ARMC3: variants seen among roughly 807,000 people sequenced by gnomAD.
The protein encoded by ARMC3 is armadillo repeat containing 3, also known as armadillo repeat-containing protein 3.
A neutral mutation model predicts 90.3 loss-of-function variants in ARMC3; 74 were observed. The ratio of observed to expected loss-of-function variants is 0.82; its 90% confidence interval spans 0.68 to 0.99. The LOEUF is 0.99. Ranked by LOEUF, ARMC3 falls within the 50% of genes least tolerant of loss-of-function variation. The probability of loss-of-function intolerance (pLI) is 0.00; values close to 1 mark genes in which losing one functional copy is unlikely to be tolerated. For missense variants in ARMC3, 958 were observed against 1,042.8 expected (o/e 0.92, Z 1.12); for synonymous variants, 334 against 361.8 (o/e 0.92, Z 0.87).
At chr10:22,999,536 T>C (rs1588897582) in intron 11 of ARMC3, among the ~76,000 whole-genome samples, 1 of 152,262 alleles carries the variant, frequency 6.6e-6, no homozygotes, top group South Asian at 2.1e-4. Context: ...CCCATAAAAA[T>C]AACAAAACCA....
intron 10 of ARMC3, among the ~76,000 whole-genome samples, chr10:22,988,933 A>C (rs977205400): frequency 6.6e-6 from 1 of 152,226 alleles, no homozygotes; most frequent in African/African-American, 2.4e-5. Context: ...TTCGTGTTGT[A>C]GACTTGATGT....
At chr10:22,939,166 C>T (rs552385499) in intron 2 of ARMC3, among the ~76,000 whole-genome samples, 1 of 152,248 alleles carries the variant, frequency 6.6e-6, no homozygotes, top group African/African-American at 2.4e-5. Context: ...TATCTAAGGA[C>T]AGTTGGTTTT....
intron 1 of ARMC3, among the ~76,000 whole-genome samples, chr10:22,929,938 C>T (rs568259885): frequency 4.2e-4 from 64 of 152,322 alleles, no homozygotes; most frequent in Non-Finnish European, 6.6e-4. Context: ...CTCTTCTAAC[C>T]TCTGCACTAT....
At chr10:22,946,434 C>G (rs1285292970) in intron 3 of ARMC3, 173 bp downstream of exon 3, 3 of 452,218 alleles carry the variant, frequency 6.6e-6, no homozygotes, top group African/African-American at 6.0e-5. Context: ...TCCTGAGTTC[C>G]TAGCTTAATC....
chr10:22,989,908 G>A (rs1249587536), intron 10 of ARMC3, among the ~76,000 whole-genome samples: 1 of 152,186 alleles, frequency 6.6e-6, no homozygotes, highest in Non-Finnish European at 1.5e-5. Flanking sequence ...AGAACAAGTG[G>A]ATTCCCTATC....
intron 10 of ARMC3, among the ~76,000 whole-genome samples, chr10:22,987,939 C>T (rs950628355): frequency 6.6e-6 from 1 of 152,180 alleles, no homozygotes; most frequent in African/African-American, 2.4e-5. Flanking sequence ...AAGCTCTTCC[C>T]CAGAAACTGT....
intron 16 of ARMC3, among the ~76,000 whole-genome samples, chr10:23,013,200 C>CT (rs11386782): frequency 0.26 from 38,788 of 151,954 alleles, 5,791 homozygotes; most frequent in African/African-American, 0.41. Flanking sequence ...TGGCCAGCCA[C>CT]TACACACCTT....
At chr10:23,007,093 T>C (rs929502115) in intron 14 of ARMC3, 112 bp downstream of exon 14, 1 of 823,822 alleles carries the variant, frequency 1.2e-6, no homozygotes, top group Non-Finnish European at 1.9e-6. Context: ...CTCCTGTATC[T>C]AGCACCTCCA....
intron 13 of ARMC3, among the ~76,000 whole-genome samples, chr10:23,003,740 G>T (rs138515828): frequency 6.6e-6 from 1 of 152,128 alleles, no homozygotes; most frequent in Non-Finnish European, 1.5e-5. Flanking sequence ...CAGGAGGATT[G>T]CTTGAGACCA....
At chr10:23,002,765 G>A (rs1837368143) in intron 12 of ARMC3, among the ~76,000 whole-genome samples, 1 of 151,852 alleles carries the variant, frequency 6.6e-6, no homozygotes. Context: ...ATACAAACAA[G>A]GTTTTGCCGT....
In ARMC3 at chr10:22,959,077, T is replaced by TA; in HGVS notation, c.306dup (p.Leu103IlefsTer25). On this transcript the variant is annotated frameshift_variant, in exon 5 of 19. Transcript: ENST00000298032. LOFTEE classifies it high-confidence loss of function. ...CTGTTTCTTCCTTTGTAGATGATGTTAAAAAATTGTTAAGGGAGTTAGATG... is the reference window on the plus strand; with the variant it reads ...CTGTTTCTTCCTTTGTAGATGATGTTAAAAAAATTGTTAAGGGAGTTAGATG... 1 of 1,609,040 alleles carries TA rather than the reference T, an allele frequency of 6.2e-7. No homozygotes were observed. Among genetic ancestry groups the TA allele is most frequent in the South Asian group, 1.1e-5 (1 of 90,978 alleles).
At chr10:22,938,398 TG>T (rs1834194871) in intron 2 of ARMC3, among the ~76,000 whole-genome samples, 1 of 152,168 alleles carries the variant, frequency 6.6e-6, no homozygotes, top group Admixed American at 6.5e-5. Context: ...GAGAATTCGT[TG>T]GAAGGTGACA....
chr10:22,952,810 A>G (rs927518701), intron 3 of ARMC3, among the ~76,000 whole-genome samples: 25 of 152,222 alleles, frequency 1.6e-4, no homozygotes, highest in Non-Finnish European at 1.2e-4. Flanking sequence ...AACAATGTAT[A>G]AAAAAAGCAA....
At chr10:22,946,558 C>G (rs1017943399) in intron 3 of ARMC3, 1 of 211,640 alleles carries the variant, frequency 4.7e-6, no homozygotes, top group Non-Finnish European at 9.4e-6. Flanking sequence ...AAGGCTGGAA[C>G]AATTAGAACA....
At chr10:22,929,090 G>A (rs1365326683) in intron 1 of ARMC3, among the ~76,000 whole-genome samples, 1 of 152,066 alleles carries the variant, frequency 6.6e-6, no homozygotes, top group Admixed American at 6.5e-5. Flanking sequence ...GCCGAGCGTG[G>A]TGGCGGGTAC....
chr10:23,007,594 G>T (rs1332617757), intron 14 of ARMC3, among the ~76,000 whole-genome samples: 1 of 151,860 alleles, frequency 6.6e-6, no homozygotes, highest in Non-Finnish European at 1.5e-5. Flanking sequence ...CTACTCAGGA[G>T]GCTGAGGCAG....
chr10:22,934,953 G>A (rs1173713915), intron 2 of ARMC3, among the ~76,000 whole-genome samples: 1 of 152,284 alleles, frequency 6.6e-6, no homozygotes, highest in East Asian at 1.9e-4. Context: ...GGCCTGGTGT[G>A]TGGCCATCAT....
intron 8 of ARMC3, among the ~76,000 whole-genome samples, chr10:22,973,753 C>CTTTTTTTTTTTTTTTTTTTTTTTT (rs56405413): frequency 7.5e-5 from 6 of 79,928 alleles, no homozygotes; most frequent in Non-Finnish European, 9.3e-5. Context: ...CTTTGTCTTT[C>CTTTTTTTTTTTTTTTTTTTTTTTT]TTTTTTTTTT....
At chr10:22,995,997 C>G (rs904374250) in intron 10 of ARMC3, among the ~76,000 whole-genome samples, 6 of 152,106 alleles carry the variant, frequency 3.9e-5, no homozygotes, top group African/African-American at 9.7e-5. Flanking sequence ...ACAAAGGAAT[C>G]ATGCATTTTG....
Sources: allele counts gnomAD v4.1 joint callset (sites outside exome capture counted in the v4.1 genomes callset), GRCh38; gene constraint gnomAD v4.1.1; transcripts MANE v1.5; gene names NCBI Gene and HGNC (gene_info 2026-07-23, HGNC 2026-07-21).